The following CNTN5 variants were observed in gnomAD, a reference collection of about 807,000 sequenced individuals.
CNTN5 encodes contactin 5.
Under a neutral mutation model 129.1 loss-of-function variants are expected in CNTN5, and 77 were observed. The ratio of observed to expected loss-of-function variants is 0.60; its 90% confidence interval spans 0.50 to 0.72. The LOEUF (loss-of-function observed/expected upper bound fraction) is 0.72, where lower values mean the gene tolerates loss of function less well. CNTN5 is among the 30% of genes least tolerant of loss of function. The probability of loss-of-function intolerance (pLI) is 0.00; values close to 1 mark genes in which losing one functional copy is unlikely to be tolerated. For synonymous variants in CNTN5, 509 were observed against 465.6 expected, an observed-to-expected ratio of 1.09 and a Z score of -1.20; for missense variants, 1,478 against 1,328.8, an observed-to-expected ratio of 1.11 and a Z score of -1.75.
intron 3 of CNTN5, among the ~76,000 whole-genome samples, chr11:99,775,722 A>AT (rs1945101374): frequency 1.3e-5 from 2 of 151,992 alleles, no homozygotes; most frequent in African/African-American, 4.8e-5. Flanking sequence ...TATAAGTAGA[A>AT]TTTTGTACTC....
intron 1 of CNTN5, among the ~76,000 whole-genome samples, chr11:99,055,233 ATGAG>A (rs1258857263): frequency 1.3e-5 from 2 of 152,002 alleles, no homozygotes; most frequent in Admixed American, 1.3e-4. Context: ...AAATATAACT[ATGAG>A]TGGCAATGAA....
chr11:99,980,697 A>G (rs755942078), intron 8 of CNTN5, among the ~76,000 whole-genome samples: 3 of 152,098 alleles, frequency 2.0e-5, no homozygotes, highest in Non-Finnish European at 4.4e-5. Flanking sequence ...TGATGGTAAG[A>G]TTCTTTTTGT....
At chr11:99,637,782 A>T (rs1431579285) in intron 3 of CNTN5, among the ~76,000 whole-genome samples, 1 of 151,548 alleles carries the variant, frequency 6.6e-6, no homozygotes, top group East Asian at 1.9e-4. Context: ...CTTATTACTT[A>T]TATATAATAT....
chr11:100,350,513 C>G (rs565860175), intron 23 of CNTN5, among the ~76,000 whole-genome samples, 189 bp from the exon 24 acceptor site: 1 of 151,900 alleles, frequency 6.6e-6, no homozygotes, highest in South Asian at 2.1e-4. Flanking sequence ...AAATTAAACT[C>G]TCTCCTGTAC....
chr11:99,693,830 A>G (rs1263656938), intron 3 of CNTN5, among the ~76,000 whole-genome samples: 2 of 152,170 alleles, frequency 1.3e-5, no homozygotes, highest in African/African-American at 2.4e-5. Flanking sequence ...TATTCATTGA[A>G]TCAGGTTCCA....
At chr11:99,235,371 T>C (rs1861212372) in intron 1 of CNTN5, among the ~76,000 whole-genome samples, 1 of 152,160 alleles carries the variant, frequency 6.6e-6, no homozygotes, top group African/African-American at 2.4e-5. Context: ...TGGGACCTAT[T>C]CATGAGCTTC....
intron 7 of CNTN5, among the ~76,000 whole-genome samples, chr11:99,941,570 A>AC (rs1491268566): frequency 0.05 from 7,611 of 150,728 alleles, 242 homozygotes; most frequent in Non-Finnish European, 0.072. Flanking sequence ...TACATAAGAC[A>AC]AACACACACA....
At chr11:99,359,254 T>C (rs1938929579) in intron 2 of CNTN5, among the ~76,000 whole-genome samples, 1 of 152,124 alleles carries the variant, frequency 6.6e-6, no homozygotes, top group Non-Finnish European at 1.5e-5. Context: ...TACAACCAAC[T>C]CTATATGTCC....
intron 9 of CNTN5, among the ~76,000 whole-genome samples, chr11:100,041,892 A>G (rs1942398886): frequency 6.6e-6 from 1 of 152,226 alleles, no homozygotes; most frequent in Admixed American, 6.5e-5. Context: ...AGCAGAACTA[A>G]TACCAGGGGA....
chr11:99,840,117 G>A lies in CNTN5; in HGVS notation c.278-4735G>A, dbSNP rs146603773. Among the ~76,000 whole-genome samples, 426 of 152,234 alleles carry A rather than the reference G, an allele frequency of 2.8e-3. 1 individual carries two copies. Among genetic ancestry groups the A allele is most frequent in the Middle Eastern group, 3.4e-3 (1 of 294 alleles). On this transcript the variant is annotated intron_variant, in intron 4 of 24. Transcript: ENST00000524871. ...ATCTGGTCACTTAAAAATGATGACA[G>A]TTAGGCCGGAGTCAGACTACTTCAC... is the stretch of plus-strand genomic sequence containing the variant.
At chr11:99,852,404 TG>T (rs1947901471) in intron 6 of CNTN5, among the ~76,000 whole-genome samples, 1 of 152,202 alleles carries the variant, frequency 6.6e-6, no homozygotes, top group African/African-American at 2.4e-5. Flanking sequence ...CTTGAGCTCG[TG>T]GTTTCAAGTG....
chr11:99,267,959 T>C (rs1034755463), intron 1 of CNTN5, among the ~76,000 whole-genome samples: 8 of 126,068 alleles, frequency 6.3e-5, no homozygotes, highest in African/African-American at 1.6e-4. Context: ...CACACACACA[T>C]TATACAAAGG....
chr11:99,445,132 G>T (rs1166936975), intron 2 of CNTN5, among the ~76,000 whole-genome samples: 1 of 148,168 alleles, frequency 6.7e-6, no homozygotes, highest in Non-Finnish European at 1.5e-5. Flanking sequence ...GTGTATAAGT[G>T]TCCCTATTTA....
intron 3 of CNTN5, among the ~76,000 whole-genome samples, chr11:99,762,927 A>T (rs1345182302): frequency 6.6e-6 from 1 of 152,110 alleles, no homozygotes; most frequent in Non-Finnish European, 1.5e-5. Context: ...CTGATGTAAA[A>T]GCTTCATGCA....
intron 1 of CNTN5, among the ~76,000 whole-genome samples, chr11:99,133,864 T>A (rs1306932632): frequency 6.6e-6 from 1 of 152,070 alleles, no homozygotes; most frequent in African/African-American, 2.4e-5. Flanking sequence ...CCTCAAATAT[T>A]TAGAACTGGA....
chr11:99,567,243 A>G (rs1225753859), intron 3 of CNTN5, among the ~76,000 whole-genome samples: 2 of 152,156 alleles, frequency 1.3e-5, no homozygotes, highest in African/African-American at 4.8e-5. Flanking sequence ...AGGAAATCTA[A>G]TTCCTGGAGC....
chr11:99,803,177 T>C (rs1946165533), intron 3 of CNTN5, among the ~76,000 whole-genome samples: 1 of 152,178 alleles, frequency 6.6e-6, no homozygotes, highest in Admixed American at 6.5e-5. Context: ...TGAAAATGCA[T>C]GGAGATCTTC....
chr11:99,410,216 A>T (rs1048039561), intron 2 of CNTN5, among the ~76,000 whole-genome samples: 5 of 152,240 alleles, frequency 3.3e-5, no homozygotes, highest in African/African-American at 1.2e-4. Flanking sequence ...CCTAGCTAGA[A>T]AATGAAAGAG....
intron 7 of CNTN5, among the ~76,000 whole-genome samples, chr11:99,954,154 A>G (rs2136159329): frequency 6.6e-6 from 1 of 152,318 alleles, no homozygotes; most frequent in Non-Finnish European, 1.5e-5. Context: ...ATAATAAAAA[A>G]AGAAAGTAAA....
Sources: gnomAD v4.1 joint callset for allele counts (sites outside exome capture counted in the v4.1 genomes callset) on GRCh38, gnomAD v4.1.1 for gene constraint, MANE v1.5 for transcripts, NCBI Gene and HGNC (gene_info 2026-07-23, HGNC 2026-07-21) for gene names.